Variants in RAB8B observed in about 807,000 individuals in gnomAD.
RAB8B encodes RAB8B, member RAS oncogene family.
RAB8B carries 11 observed loss-of-function variants against 32.0 expected under a neutral mutation model. The observed-to-expected ratio is 0.34, with a 90% confidence interval of 0.22 to 0.57. The LOEUF is 0.57. RAB8B is among the 20% of genes least tolerant of loss of function. The pLI is 0.86. For missense variants in RAB8B, 190 were observed against 258.5 expected (o/e 0.73, Z 1.82); for synonymous variants, 103 against 89.6 (o/e 1.15, Z -0.85).
chr15:63,201,115 A>G (rs928256939), intron 1 of RAB8B, among the ~76,000 whole-genome samples: 2 of 152,310 alleles, frequency 1.3e-5, no homozygotes, highest in African/African-American at 4.8e-5. Flanking sequence ...TCAGCTACTC[A>G]TGCCAAACAT....
At chr15:63,260,397 G>C (rs1039820361) in intron 6 of RAB8B, among the ~76,000 whole-genome samples, 1 of 152,110 alleles carries the variant, frequency 6.6e-6, no homozygotes, top group East Asian at 1.9e-4. Context: ...TTAGTTTATT[G>C]GACACATTCC....
Position 63,249,625 on chromosome 15 carries a change from T to G in RAB8B, c.186-20T>G, listed in dbSNP as rs1330058209. The G allele has an allele frequency of 6.2e-7, 1 of 1,612,520 alleles. No homozygotes were observed. The highest frequency in any genetic ancestry group is 1.7e-5 in the Admixed American group (1 of 59,946). ...CTGGTGATGACTTCAAAAACCACTCTCCTTTGTTTCATATTTTAGGGACAC... is the reference window on the plus strand; with the variant it reads ...CTGGTGATGACTTCAAAAACCACTCGCCTTTGTTTCATATTTTAGGGACAC... On this transcript the variant is annotated intron_variant, in intron 2 of 7. Transcript: ENST00000321437.
chr15:63,267,721 C>G lies in RAB8B; in HGVS notation c.*4102C>G, dbSNP rs983959742. The G allele has an allele frequency of 6.6e-6, 1 of 151,486 alleles. No individual in the cohort carries two copies. 9.4% of individuals were successfully genotyped at this position (151,486 alleles called of 1,614,324 possible). The stretch of plus-strand genomic sequence containing the variant: ...TTAAATGGATTTTATTCCAGGTGAA[C>G]TTTTTTTTTATAATAATGTTCGTCT... On this transcript the variant is annotated 3_prime_UTR_variant, in exon 8 of 8. Coordinates refer to ENST00000321437, the MANE Select transcript of RAB8B (RefSeq NM_016530.3).
chr15:63,199,837 T>A (rs1392339627), intron 1 of RAB8B, among the ~76,000 whole-genome samples: 1 of 152,130 alleles, frequency 6.6e-6, no homozygotes, highest in East Asian at 1.9e-4. Flanking sequence ...CGCCTCAACC[T>A]CCCAAAGTGC....
At chr15:63,193,945 T>A (rs2037579965) in intron 1 of RAB8B, among the ~76,000 whole-genome samples, 1 of 152,186 alleles carries the variant, frequency 6.6e-6, no homozygotes, top group Non-Finnish European at 1.5e-5. Context: ...ATTTTAATAT[T>A]GATATGAGGG....
Position 63,262,271 on chromosome 15 carries a change from C to T in RAB8B, c.481-421C>T, listed in dbSNP as rs547026556. On this transcript the variant is annotated intron_variant, in intron 6 of 7. Coordinates refer to ENST00000321437, the MANE Select transcript of RAB8B (RefSeq NM_016530.3). ...TGTACTGAAGAAGTTACTCGTGACT[C>T]AACAAGGGTGTTATTGTGATATTAT... Among the ~76,000 whole-genome samples the T allele has an allele frequency of 7.2e-5, 11 of 152,094 alleles. No homozygotes were observed. The Middle Eastern group carries it at 0.014, about 189-fold the overall frequency.
In RAB8B at chr15:63,266,713, T is replaced by A. The variant is rs1404939520; in HGVS notation, c.*3094T>A. The A allele has an allele frequency of 1.3e-5, 2 of 152,466 alleles. No homozygotes were observed. Among genetic ancestry groups the A allele is most frequent in the Non-Finnish European group, 2.9e-5 (2 of 67,976 alleles). The allele number at this position is 152,466 out of a possible 1,614,324, so 9.4% of individuals were successfully genotyped here. A position where few individuals can be genotyped will look rare whatever the true frequency, so the allele number is the denominator to read the frequency against. On this transcript the variant is annotated 3_prime_UTR_variant, in exon 8 of 8. Coordinates refer to ENST00000321437, the MANE Select transcript of RAB8B (RefSeq NM_016530.3). ...ATCCAGTAGCATAAAAAAAGTATTA[T>A]CTCCCTGTCTCCATTAATAAATTTA...
chr15:63,193,773 T>C (rs1294838876), intron 1 of RAB8B, among the ~76,000 whole-genome samples: 2 of 152,048 alleles, frequency 1.3e-5, no homozygotes, highest in Non-Finnish European at 2.9e-5. Flanking sequence ...ATCGCGCCAC[T>C]GCATTCCAGC....
rs537218887 is a variant in RAB8B at position 63,227,935 on chromosome 15, C to G, written c.125-16821C>G. On this transcript the variant is annotated intron_variant, in intron 1 of 7. Coordinates refer to ENST00000321437, the MANE Select transcript of RAB8B (RefSeq NM_016530.3). The stretch of plus-strand genomic sequence containing the variant: ...CTTTTCTTTCTTTTCTCTTTCCTTT[C>G]CTTTCTTTTCTTCCTTTTCTCTTTC... Among the ~76,000 whole-genome samples the G allele has an allele frequency of 1.8e-3, 270 of 151,348 alleles. 4 individuals carry two copies. The highest frequency in any genetic ancestry group is 6.3e-3 in the African/African-American group (258 of 41,230).
chr15:63,191,967 G>A (rs2037559227), intron 1 of RAB8B, among the ~76,000 whole-genome samples: 1 of 152,230 alleles, frequency 6.6e-6, no homozygotes, highest in African/African-American at 2.4e-5. Flanking sequence ...GAGGGTGACA[G>A]CTATGAAGGC....
intron 1 of RAB8B, among the ~76,000 whole-genome samples, chr15:63,236,472 G>A (rs891264373): frequency 6.6e-5 from 10 of 152,140 alleles, no homozygotes; most frequent in African/African-American, 2.4e-4. Context: ...CCAGCTGGGT[G>A]GGCTGCATGC....
At chr15:63,219,004 A>ATTTTTT (rs71131152) in intron 1 of RAB8B, among the ~76,000 whole-genome samples, 2,859 of 94,454 alleles carry the variant, frequency 0.03, 605 homozygotes, top group Non-Finnish European at 0.047. Flanking sequence ...CCAGCAGTGG[A>ATTTTTT]TTTTTTTTTT....
chr15:63,209,995 G>T (rs1350038825), intron 1 of RAB8B, among the ~76,000 whole-genome samples: 3 of 152,004 alleles, frequency 2.0e-5, no homozygotes, highest in Admixed American at 6.6e-5. Flanking sequence ...GAGAGAACAT[G>T]CAGTGTTTGG....
chr15:63,203,466 T>C (rs1402373130), intron 1 of RAB8B, among the ~76,000 whole-genome samples: 3 of 152,192 alleles, frequency 2.0e-5, no homozygotes, highest in Non-Finnish European at 4.4e-5. Context: ...TATGATGTGT[T>C]TGTCACATGG....
chr15:63,201,279 A>G (rs1026300117), intron 1 of RAB8B, among the ~76,000 whole-genome samples: 2 of 152,218 alleles, frequency 1.3e-5, no homozygotes, highest in African/African-American at 4.8e-5. Context: ...GAAAGTGTGC[A>G]GAGGAGAGGT....
intron 1 of RAB8B, among the ~76,000 whole-genome samples, chr15:63,201,637 C>CA (rs2037651512): frequency 6.6e-6 from 1 of 152,158 alleles, no homozygotes; most frequent in African/African-American, 2.4e-5. Context: ...ACATCATTTG[C>CA]CCATTCCCTT....
At chr15:63,201,801 G>A (rs1158912871) in intron 1 of RAB8B, among the ~76,000 whole-genome samples, 5 of 152,124 alleles carry the variant, frequency 3.3e-5, no homozygotes, top group Non-Finnish European at 7.4e-5. Context: ...GATTAATCAA[G>A]TAAGAAGCTA....
Position 63,189,653 on chromosome 15 carries a change from A to G in RAB8B, c.29A>G (p.Lys10Arg). Residue 10 changes from lysine (K) to arginine (R), a missense_variant, in exon 1 of 8, where the codon AAG becomes AGG. Coordinates refer to ENST00000321437, the MANE Select transcript of RAB8B (RefSeq NM_016530.3). MAKTYDYLF[K>R]LLLIGDSGVG... is the part of the protein sequence containing the mutation. ...GCGAAGACGTACGATTATCTCTTCA[A>G]GCTCCTGCTGATCGGCGACTCGGGG... is the stretch of plus-strand genomic sequence containing the variant. The G allele has an allele frequency of 2.5e-6, 4 of 1,613,860 alleles. No homozygotes were observed. The highest frequency in any genetic ancestry group is 3.4e-6 in the Non-Finnish European group (4 of 1,179,870).
Position 63,244,774 on chromosome 15 carries a change from G to A in RAB8B, c.143G>A (p.Arg48Lys), listed in dbSNP as rs779183844. 2.5e-6 allele frequency: 4 copies of A among 1,579,444 alleles called. No individual in the cohort carries two copies. Among genetic ancestry groups the A allele is most frequent in the Non-Finnish European group, 3.5e-6 (4 of 1,151,212 alleles). ...ISTIGIDFKI[R>K]TIELDGKKIK... ...CTGGCAGGAATTGATTTTAAAATTA[G>A]AACGATAGAACTAGATGGAAAGAAA... is the stretch of plus-strand genomic sequence containing the variant. Residue 48 changes from arginine to lysine, a missense_variant, in exon 2 of 8, where the codon AGA becomes AAA. Physicochemically the swap from Arg to Lys is conservative, Grantham distance 26. Coordinates refer to ENST00000321437, the MANE Select transcript of RAB8B (RefSeq NM_016530.3).
Sources: allele counts gnomAD v4.1 joint callset (sites outside exome capture counted in the v4.1 genomes callset), GRCh38; gene constraint gnomAD v4.1.1; transcripts MANE v1.5; gene names NCBI Gene and HGNC (gene_info 2026-07-23, HGNC 2026-07-21).